SEC62: variants seen among roughly 807,000 people sequenced by gnomAD.
SEC62 encodes translocation protein SEC62.
In SEC62, 10 loss-of-function variants were observed where a neutral mutation model predicts 47.5. That is an observed-to-expected ratio of 0.21 (90% confidence interval 0.13 to 0.36). The LOEUF (loss-of-function observed/expected upper bound fraction) is 0.36. Among genes scored for constraint, SEC62 ranks in the 10% least tolerant of loss-of-function variants. The probability of loss-of-function intolerance (pLI) is 1.00; values close to 1 mark genes in which losing one functional copy is unlikely to be tolerated. For synonymous variants in SEC62, 136 were observed against 150.5 expected, an observed-to-expected ratio of 0.90 and a Z score of 0.71; for missense variants, 327 against 464.1, an observed-to-expected ratio of 0.70 and a Z score of 2.71.
chr3:169,986,545 AAAAAG>A (rs367592521), intron 6 of SEC62, among the ~76,000 whole-genome samples: 24 of 152,302 alleles, frequency 1.6e-4, no homozygotes, highest in Admixed American at 9.1e-4. Flanking sequence ...GAATAGATAA[AAAAAG>A]AAAAGAAAGT....
Position 169,992,569 on chromosome 3 carries a change from A to G in SEC62, c.731-25A>G, listed in dbSNP as rs753689029. 9 of 1,547,514 alleles carry G rather than the reference A, an allele frequency of 5.8e-6. No homozygotes were observed. Among genetic ancestry groups the G allele is most frequent in the East Asian group, 2.2e-5 (1 of 44,520 alleles). ...TCTGAGGCAGTGTTTGAATTACTCA[A>G]TTAGAGAAATTTTTCTCCCCACAGC... On this transcript the variant is annotated intron_variant, in intron 7 of 7. Transcript: ENST00000337002. The surrounding 1 kb of genome is among the most constrained non-coding windows in gnomAD (Gnocchi z 4.0).
rs576255822 is a variant in SEC62 at position 169,983,537 on chromosome 3, G to A, written c.549+284G>A. The A allele has an allele frequency of 3.1e-4, 60 of 194,338 alleles. 1 individual carries two copies. The South Asian group carries it at 5.4e-3, about 18-fold the overall frequency. The allele number at this position is 194,338 out of a possible 1,614,324, so 12.0% of individuals were successfully genotyped here. ...ATCTGTAGGTAAGCTGTACAGATACGTCAGCTCCATGGTGGATCCCAGCTC... is the reference window on the plus strand; with the variant it reads ...ATCTGTAGGTAAGCTGTACAGATACATCAGCTCCATGGTGGATCCCAGCTC... On this transcript the variant is annotated intron_variant, in intron 5 of 7. Coordinates refer to ENST00000337002, the MANE Select transcript of SEC62 (RefSeq NM_003262.4).
chr3:169,971,687 C>G (rs1343439140), intron 1 of SEC62, among the ~76,000 whole-genome samples: 1 of 152,158 alleles, frequency 6.6e-6, no homozygotes, highest in African/African-American at 2.4e-5. Flanking sequence ...AAATTTTGTG[C>G]ATACATATCA....
rs913134997 is a variant in SEC62, at chr3:169,996,629, C to T, written c.*3566C>T. The stretch of plus-strand genomic sequence containing the variant: ...TGAGTGGGTTTGGCCAAGGAGTGTC[C>T]TGGCCAGAGATCAGAGGATGGTAGG... On this transcript the variant is annotated 3_prime_UTR_variant, in exon 8 of 8. Transcript: ENST00000337002. The T allele has an allele frequency of 6.6e-6, 1 of 152,288 alleles. No homozygotes were observed. The highest frequency in any genetic ancestry group is 1.5e-5 in the Non-Finnish European group (1 of 68,114). The allele number at this position is 152,288 out of a possible 1,614,324, so 9.4% of individuals were successfully genotyped here.
rs1343459504 is a variant in SEC62 at position 169,966,848 on chromosome 3, A to G, written c.26A>G (p.Lys9Arg). 6.4e-7 allele frequency: 1 copy of G among 1,556,494 alleles called. No individual in the cohort carries two copies. The highest frequency in any genetic ancestry group is 1.7e-4 in the Middle Eastern group (1 of 5,998). MAERRRHK[K>R]RIQEVGEPSK... is the part of the protein sequence containing the mutation. ...ATGGCGGAACGCAGGAGACACAAGA[A>G]GCGGATCCAGGTAGCAAAGCCGAGC... The change falls in exon 1 of 8, where the codon AAG becomes AGG. Residue 9 changes from lysine (K) to arginine (R), a missense_variant. Lys to Arg is a conservative substitution (Grantham distance 26). Coordinates refer to ENST00000337002, the MANE Select transcript of SEC62 (RefSeq NM_003262.4).
chr3:169,979,848 G>T (rs1162997118), intron 3 of SEC62, among the ~76,000 whole-genome samples: 4 of 152,060 alleles, frequency 2.6e-5, no homozygotes, highest in East Asian at 1.9e-4. Context: ...GAAAACAATT[G>T]TAAGACTGTT....
In SEC62 at chr3:169,977,122, C is replaced by T. The variant is rs866526885; in HGVS notation, c.251+71C>T. 3 of 1,003,810 alleles carry T rather than the reference C, an allele frequency of 3.0e-6. No homozygotes were observed. The South Asian group carries it at 4.9e-5, about 16-fold the overall frequency. 62.2% of individuals were successfully genotyped at this position (1,003,810 alleles called of 1,614,324 possible). On this transcript the variant is annotated intron_variant, in intron 3 of 7. Coordinates refer to ENST00000337002, the MANE Select transcript of SEC62 (RefSeq NM_003262.4). The stretch of plus-strand genomic sequence containing the variant: ...TTCTTCATAGTCCTGAAGCTCCTTA[C>T]ATCATTAAATGTAGTGATACTACAA...
At chr3:169,967,026 G>A (rs892411641) in intron 1 of SEC62, among the ~76,000 whole-genome samples, 168 bp downstream of exon 1, 1 of 152,328 alleles carries the variant, frequency 6.6e-6, no homozygotes, top group Non-Finnish European at 1.5e-5. Context: ...AGGGGCCTGA[G>A]GGGGGGCGGT....
rs562823204 is a variant in SEC62 at position 169,995,696 on chromosome 3, G to A, written c.*2633G>A. On this transcript the variant is annotated 3_prime_UTR_variant, in exon 8 of 8. Coordinates refer to ENST00000337002, the MANE Select transcript of SEC62 (RefSeq NM_003262.4). Reference sequence around the variant, plus strand: ...GATTCTCATTATTCAAGGTAGTTACGTTCTATAAAGTCACTGCGAACACTG... The same window carrying A: ...GATTCTCATTATTCAAGGTAGTTACATTCTATAAAGTCACTGCGAACACTG... 1.3e-5 allele frequency: 2 copies of A among 152,030 alleles called. No homozygotes were observed. The highest frequency in any genetic ancestry group is 2.9e-5 in the Non-Finnish European group (2 of 68,012). The allele number at this position is 152,030 out of a possible 1,614,324, so 9.4% of individuals were successfully genotyped here. A position where few individuals can be genotyped will look rare whatever the true frequency, so the allele number is the denominator to read the frequency against.
Position 169,994,052 on chromosome 3 carries a change from A to G in SEC62, c.*989A>G, listed in dbSNP as rs944366144. 1.3e-5 allele frequency: 2 copies of G among 152,602 alleles called. No individual in the cohort carries two copies. Among genetic ancestry groups the G allele is most frequent in the Non-Finnish European group, 1.5e-5 (1 of 68,030 alleles). The allele number at this position is 152,602 out of a possible 1,614,324, so 9.5% of individuals were successfully genotyped here. A position where few individuals can be genotyped will look rare whatever the true frequency, so the allele number is the denominator to read the frequency against. On this transcript the variant is annotated 3_prime_UTR_variant, in exon 8 of 8. Coordinates refer to ENST00000337002, the MANE Select transcript of SEC62 (RefSeq NM_003262.4). ...TTTGTACGCCTTAATGTTCATTTTG[A>G]TTTATTTTAAATCTTTACATTCAGA...
rs1473077496 is a variant in SEC62, at chr3:169,992,642, A to G, written c.779A>G (p.His260Arg). 4 of 1,613,988 alleles carry G rather than the reference A, an allele frequency of 2.5e-6. No individual in the cohort carries two copies. The highest frequency in any genetic ancestry group is 3.4e-6 in the Non-Finnish European group (4 of 1,180,012). ...ATTTGGCTCATAACTGGAGGAAGGC[A>G]CCACTTTTGGTTCTTGCCAAATCTG... ...LIIWLITGGR[H>R]HFWFLPNLTA... Residue 260 changes from histidine (H) to arginine (R), a missense_variant, in exon 8 of 8, where the codon CAC becomes CGC. Coordinates refer to ENST00000337002, the MANE Select transcript of SEC62 (RefSeq NM_003262.4). The surrounding 1 kb of genome is among the most constrained non-coding windows in gnomAD (Gnocchi z 4.0).
rs1438549162 is a variant in SEC62, at chr3:169,976,876, AT to A, written c.146-69del. Reference sequence around the variant, plus strand: ...TGCCAGAGTGTTGAAATTTTACTTTATAAAATATTATTTAGATAGACATAAA... The same window carrying A: ...TGCCAGAGTGTTGAAATTTTACTTTAAAAATATTATTTAGATAGACATAAA... On this transcript the variant is annotated intron_variant, in intron 2 of 7. Coordinates refer to ENST00000337002, the MANE Select transcript of SEC62 (RefSeq NM_003262.4). 7.2e-5 allele frequency: 75 copies of A among 1,040,882 alleles called. No individual in the cohort carries two copies. The African/African-American group carries it at 1.0e-3, about 14-fold the overall frequency. The allele number at this position is 1,040,882 out of a possible 1,614,324, so 64.5% of individuals were successfully genotyped here. A position where few individuals can be genotyped will look rare whatever the true frequency, so the allele number is the denominator to read the frequency against.
chr3:169,974,038 A>T (rs966211495), intron 1 of SEC62, among the ~76,000 whole-genome samples: 1 of 152,244 alleles, frequency 6.6e-6, no homozygotes, highest in African/African-American at 2.4e-5. Context: ...TTCCTCAAAC[A>T]TAACTTAATT....
In SEC62 at chr3:169,983,142, C is replaced by T. The variant is rs373139840; in HGVS notation, c.457-19C>T. ...TGCTTACTTGTGTTATTTCTTCTGT[C>T]CAACTTGTGTTTTCATAGGAGGAAA... On this transcript the variant is annotated intron_variant, in intron 4 of 7. Transcript: ENST00000337002. 1.2e-5 allele frequency: 19 copies of T among 1,578,486 alleles called. No homozygotes were observed. Among genetic ancestry groups the T allele is most frequent in the Middle Eastern group, 3.4e-4 (2 of 5,968 alleles).
chr3:169,967,691 C>T (rs550082925), intron 1 of SEC62, among the ~76,000 whole-genome samples: 127 of 152,282 alleles, frequency 8.3e-4, no homozygotes, highest in African/African-American at 2.8e-3. Flanking sequence ...TTATGTAGAA[C>T]ATCTTGGACT....
At chr3:169,969,237 T>C (rs1399728312) in intron 1 of SEC62, 9 of 453,238 alleles carry the variant, frequency 2.0e-5, no homozygotes, top group Non-Finnish European at 3.6e-5. Context: ...AACAAATAAG[T>C]TCAGGGTTAA....
intron 7 of SEC62, among the ~76,000 whole-genome samples, chr3:169,990,306 A>C (rs909124600): frequency 7.9e-5 from 12 of 151,654 alleles, no homozygotes; most frequent in Non-Finnish European, 1.8e-4. Flanking sequence ...AATATTATGT[A>C]TTGGTCACAA....
chr3:169,969,232 A>T (rs1258222602), intron 1 of SEC62: 1 of 447,446 alleles, frequency 2.2e-6, no homozygotes, highest in African/African-American at 2.0e-5. Flanking sequence ...ATACAAACAA[A>T]TAAGTTCAGG....
At chr3:169,988,480 AC>A in intron 7 of SEC62, 121 bp downstream of exon 7, 1 of 1,059,262 alleles carries the variant, frequency 9.4e-7, no homozygotes, top group Non-Finnish European at 1.4e-6. Context: ...AATATATGGT[AC>A]TACTTTCTGA....
Sources: allele counts gnomAD v4.1 joint callset (sites outside exome capture counted in the v4.1 genomes callset), GRCh38; gene constraint gnomAD v4.1.1; non-coding constraint Gnocchi (gnomAD v3.1); transcripts MANE v1.5; gene names NCBI Gene and HGNC (gene_info 2026-07-23, HGNC 2026-07-21).